Variants in DAAM1 observed in about 807,000 individuals in gnomAD.
The protein encoded by DAAM1 is dishevelled associated activator of morphogenesis 1, also known as disheveled-associated activator of morphogenesis 1.
In DAAM1, 52 loss-of-function variants were observed where a neutral mutation model predicts 130.0. That is an observed-to-expected ratio of 0.40 (90% CI 0.32 to 0.50). The LOEUF (loss-of-function observed/expected upper bound fraction) is 0.50. DAAM1 is among the 20% of genes least tolerant of loss of function. DAAM1 has a pLI of 0.61. For missense variants in DAAM1, 1,134 were observed against 1,303.8 expected, an observed-to-expected ratio of 0.87 and a Z score of 2.01; for synonymous variants, 452 against 444.5, an observed-to-expected ratio of 1.02 and a Z score of -0.21.
intron 1 of DAAM1, among the ~76,000 whole-genome samples, chr14:59,263,028 A>G (rs1882248307): frequency 6.6e-6 from 1 of 152,248 alleles, no homozygotes; most frequent in Admixed American, 6.5e-5. Flanking sequence ...CTTTTAAATC[A>G]GTCTGGAATC....
chr14:59,242,126 T>G (rs866661177), intron 1 of DAAM1, among the ~76,000 whole-genome samples: 1 of 152,310 alleles, frequency 6.6e-6, no homozygotes. Context: ...ACAGAGCTAC[T>G]AAGAGGAACA....
chr14:59,347,427 G>A (rs1886125708), intron 16 of DAAM1, 112 bp from the exon 17 acceptor site: 1 of 985,724 alleles, frequency 1.0e-6, no homozygotes, highest in African/African-American at 1.6e-5. Context: ...CTTTCACTGA[G>A]AGATTTTGAG....
rs1884968058 is a variant in DAAM1 at position 59,320,593 on chromosome 14, C to T, written c.440+9C>T. 13 of 1,527,616 alleles carry T rather than the reference C, an allele frequency of 8.5e-6. No homozygotes were observed. Among genetic ancestry groups the T allele is most frequent in the Non-Finnish European group, 1.1e-5 (13 of 1,146,164 alleles). The allele number at this position is 1,527,616 out of a possible 1,614,324, so 94.6% of individuals were successfully genotyped here. ...AGGACAAAACCAATGAGGTAATTTT[C>T]CCCTGGATGGCATGTTTTTTTTTTT... is the stretch of plus-strand genomic sequence containing the variant. On this transcript the variant is annotated intron_variant, in intron 5 of 24. Coordinates refer to ENST00000360909, the MANE Select transcript of DAAM1 (RefSeq NM_001270520.2).
At chr14:59,359,572 T>C in intron 21 of DAAM1, 68 bp downstream of exon 21, 1 of 1,186,282 alleles carries the variant, frequency 8.4e-7, no homozygotes, top group Non-Finnish European at 1.2e-6. Context: ...TGAGGTAGTT[T>C]GCACTGCATG....
chr14:59,346,173 G>A (rs957649127), intron 16 of DAAM1, among the ~76,000 whole-genome samples: 29 of 147,614 alleles, frequency 2.0e-4, no homozygotes, highest in African/African-American at 7.1e-4. Context: ...ATGCAGTTAT[G>A]TAGTTATTAC....
At chr14:59,303,013 G>T (rs1346526442) in intron 3 of DAAM1, among the ~76,000 whole-genome samples, 3 of 152,164 alleles carry the variant, frequency 2.0e-5, no homozygotes, top group Non-Finnish European at 4.4e-5. Flanking sequence ...GTCAAATTTG[G>T]CTGTGTGTCA....
At chr14:59,340,487 G>A (rs1885802368) in intron 16 of DAAM1, among the ~76,000 whole-genome samples, 1 of 152,132 alleles carries the variant, frequency 6.6e-6, no homozygotes, top group Non-Finnish European at 1.5e-5. Context: ...ACACTTCTTG[G>A]CCTTAGAGAT....
intron 1 of DAAM1, among the ~76,000 whole-genome samples, chr14:59,221,578 C>G (rs1888773060): frequency 6.6e-6 from 1 of 152,298 alleles, no homozygotes; most frequent in East Asian, 1.9e-4. Context: ...TGTCATTTTT[C>G]ATTGGCCTTA....
chr14:59,313,349 G>A (rs1884665190), intron 3 of DAAM1, among the ~76,000 whole-genome samples: 1 of 152,254 alleles, frequency 6.6e-6, no homozygotes, highest in Non-Finnish European at 1.5e-5. Flanking sequence ...GGTTTTCTCA[G>A]CACTGAGGCA....
intron 3 of DAAM1, among the ~76,000 whole-genome samples, chr14:59,307,278 T>C (rs1884412116): frequency 6.6e-6 from 1 of 152,212 alleles, no homozygotes; most frequent in Non-Finnish European, 1.5e-5. Flanking sequence ...TCTGATACAA[T>C]TGACTGTTGC....
At chr14:59,237,229 C>T (rs1889332579) in intron 1 of DAAM1, among the ~76,000 whole-genome samples, 1 of 152,168 alleles carries the variant, frequency 6.6e-6, no homozygotes, top group Non-Finnish European at 1.5e-5. Flanking sequence ...TATTCTTGTT[C>T]TGTCAGAATA....
chr14:59,204,750 G>A (rs1254308495), intron 1 of DAAM1, among the ~76,000 whole-genome samples: 1 of 152,092 alleles, frequency 6.6e-6, no homozygotes, highest in Admixed American at 6.6e-5. Context: ...CATCAGAATG[G>A]GGCTGGTGCA....
rs559321304 is a variant in DAAM1 at position 59,324,165 on chromosome 14, A to T, written c.812A>T (p.Tyr271Phe). The change falls in exon 7 of 25, where the codon TAT becomes TTT. Residue 271 changes from tyrosine (Y) to phenylalanine (F), a missense_variant. Transcript: ENST00000360909. ...INDLDKSTGR[Y>F]RDEVSLKTAI... ...GACTTGGATAAAAGCACTGGGCGGT[A>T]TCGAGATGAAGTGAGTCTCAAGACT... is the stretch of plus-strand genomic sequence containing the variant. 1 of 1,452,550 alleles carries T rather than the reference A, an allele frequency of 6.9e-7. No individual in the cohort carries two copies. The allele number at this position is 1,452,550 out of a possible 1,614,324, so 90.0% of individuals were successfully genotyped here. A position where few individuals can be genotyped will look rare whatever the true frequency, so the allele number is the denominator to read the frequency against.
intron 4 of DAAM1, among the ~76,000 whole-genome samples, chr14:59,315,814 C>T (rs893627908): frequency 1.3e-4 from 20 of 152,116 alleles, no homozygotes; most frequent in Non-Finnish European, 2.6e-4. Flanking sequence ...GGACCAAGTA[C>T]TCTTTACTCA....
intron 20 of DAAM1, among the ~76,000 whole-genome samples, chr14:59,358,222 C>T (rs1397146166): frequency 6.6e-6 from 1 of 152,132 alleles, no homozygotes; most frequent in Non-Finnish European, 1.5e-5. Flanking sequence ...ATCTGGAGTC[C>T]AGGTGATTGT....
intron 15 of DAAM1, 103 bp from the exon 16 acceptor site, chr14:59,339,971 A>G: frequency 2.2e-6 from 2 of 921,588 alleles, no homozygotes; most frequent in Non-Finnish European, 3.4e-6. Context: ...TGTGTATACG[A>G]GTGTGTGTAT....
At chr14:59,197,275 G>C (rs578016741) in intron 1 of DAAM1, among the ~76,000 whole-genome samples, 1 of 152,322 alleles carries the variant, frequency 6.6e-6, no homozygotes, top group South Asian at 2.1e-4. Context: ...TTTGATTTAG[G>C]CTGATGGTGG....
intron 17 of DAAM1, 92 bp downstream of exon 17, chr14:59,347,715 C>A (rs1190545672): frequency 9.0e-6 from 11 of 1,217,062 alleles, no homozygotes; most frequent in Non-Finnish European, 2.4e-6. Flanking sequence ...GCTAGTGGAT[C>A]ATTTCCTCAT....
intron 1 of DAAM1, among the ~76,000 whole-genome samples, chr14:59,201,686 A>G (rs1012184742): frequency 6.6e-6 from 1 of 151,562 alleles, no homozygotes; most frequent in African/African-American, 2.4e-5. Flanking sequence ...AGTCTCAGCT[A>G]CTCTGAAGGC....
Sources: gnomAD v4.1 joint callset for allele counts (sites outside exome capture counted in the v4.1 genomes callset) on GRCh38, gnomAD v4.1.1 for gene constraint, MANE v1.5 for transcripts, NCBI Gene and HGNC (gene_info 2026-07-23, HGNC 2026-07-21) for gene names.